HMGCLL1: variants seen among roughly 807,000 people sequenced by gnomAD.
HMGCLL1 encodes the protein 3-hydroxy-3-methylglutaryl-CoA lyase like 1, also known as 3-hydroxymethyl-3-methylglutaryl-CoA lyase, cytoplasmic.
In HMGCLL1, 36 loss-of-function variants were observed where a neutral mutation model predicts 39.1. The ratio of observed to expected loss-of-function variants is 0.92; its 90% confidence interval spans 0.71 to 1.22. HMGCLL1 has a LOEUF of 1.22. Among genes scored for constraint, HMGCLL1 ranks in the 50% most tolerant of loss-of-function variants. The pLI is 0.00. For missense variants in HMGCLL1, 451 were observed against 416.5 expected (o/e 1.08, Z -0.72); for synonymous variants, 149 against 144.0 (o/e 1.03, Z -0.25).
intron 7 of HMGCLL1, among the ~76,000 whole-genome samples, chr6:55,451,576 CA>C (rs752450250): frequency 8.0e-4 from 96 of 120,006 alleles, no homozygotes; most frequent in Non-Finnish European, 1.4e-3. Context: ...AAAACAAAAA[CA>C]AAAACAAAAA....
At chr6:55,598,424 T>G in the HMGCLL1 span, among the ~76,000 whole-genome samples, 1 of 152,168 alleles carries the variant, frequency 6.6e-6, no homozygotes, top group African/African-American at 2.4e-5. Context: ...ATTGCAATTC[T>G]AGACAACACA....
intron 1 of HMGCLL1, among the ~76,000 whole-genome samples, chr6:55,555,339 TCAA>T (rs76294675): frequency 2.0e-5 from 3 of 151,690 alleles, no homozygotes; most frequent in Admixed American, 6.6e-5. Flanking sequence ...TATCAAAAAG[TCAA>T]CAACAACAAC....
chr6:55,663,330 A>C, the HMGCLL1 span, among the ~76,000 whole-genome samples: 3 of 150,060 alleles, frequency 2.0e-5, no homozygotes. Flanking sequence ...TAGTGCTATA[A>C]ATTTCCCTCT....
upstream of HMGCLL1, among the ~76,000 whole-genome samples, chr6:55,583,091 AG>A (rs1237916629): frequency 6.6e-6 from 1 of 152,170 alleles, no homozygotes; most frequent in East Asian, 1.9e-4. Context: ...ATATTTTTAA[AG>A]TTTTGCTTTG....
the HMGCLL1 span, among the ~76,000 whole-genome samples, chr6:55,617,848 C>T: frequency 6.6e-6 from 1 of 151,962 alleles, no homozygotes; most frequent in African/African-American, 2.4e-5. Flanking sequence ...AGCAGGATGG[C>T]TCATAATTGT....
chr6:55,483,484 C>T (rs1158690335), intron 7 of HMGCLL1, among the ~76,000 whole-genome samples: 6 of 152,044 alleles, frequency 3.9e-5, no homozygotes, highest in African/African-American at 7.2e-5. Context: ...AGGATGGTCC[C>T]GATCTCTTGA....
intron 1 of HMGCLL1, among the ~76,000 whole-genome samples, chr6:55,549,373 AGTGTGTGT>A (rs70986732): frequency 1.4e-5 from 2 of 145,416 alleles, no homozygotes; most frequent in Admixed American, 6.9e-5. Flanking sequence ...CAAATACAGA[AGTGTGTGT>A]GTGTGTGTGT....
the HMGCLL1 span, among the ~76,000 whole-genome samples, chr6:55,673,269 T>C: frequency 6.6e-6 from 1 of 151,968 alleles, no homozygotes; most frequent in South Asian, 2.1e-4. Flanking sequence ...ACTTAGCCTA[T>C]TGGTATTGTC....
chr6:55,541,365 A>G (rs1410161264), intron 3 of HMGCLL1, among the ~76,000 whole-genome samples: 1 of 152,202 alleles, frequency 6.6e-6, no homozygotes, highest in Admixed American at 6.5e-5. Context: ...GGAAGCTATC[A>G]GGCTACTTAT....
the HMGCLL1 span, among the ~76,000 whole-genome samples, chr6:55,648,931 C>T: frequency 1.3e-5 from 2 of 149,346 alleles, no homozygotes; most frequent in African/African-American, 2.5e-5. Flanking sequence ...AATTTTAGAC[C>T]AATATCCTTG....
At chr6:55,524,444 A>T in intron 3 of HMGCLL1, among the ~76,000 whole-genome samples, 1 of 139,848 alleles carries the variant, frequency 7.2e-6, no homozygotes, top group African/African-American at 2.7e-5. Context: ...ATAATGTTGT[A>T]TTTGGCATTT....
intron 1 of HMGCLL1, among the ~76,000 whole-genome samples, chr6:55,547,718 G>C (rs1481784429): frequency 6.6e-6 from 1 of 151,978 alleles, no homozygotes; most frequent in Non-Finnish European, 1.5e-5. Context: ...GGGGGCATTA[G>C]AGATCAGCTT....
At chr6:55,673,454 A>G in the HMGCLL1 span, among the ~76,000 whole-genome samples, 2 of 152,028 alleles carry the variant, frequency 1.3e-5, no homozygotes, top group Non-Finnish European at 1.5e-5. Flanking sequence ...CATAAAGATA[A>G]CTGATGCAAC....
intron 1 of HMGCLL1, among the ~76,000 whole-genome samples, chr6:55,550,787 C>A (rs976685833): frequency 3.3e-5 from 5 of 151,570 alleles, no homozygotes; most frequent in African/African-American, 1.2e-4. Context: ...GGACACCCGG[C>A]AATGTCTGGA....
intron 3 of HMGCLL1, among the ~76,000 whole-genome samples, chr6:55,535,296 C>T (rs1261601296): frequency 6.6e-6 from 1 of 152,182 alleles, no homozygotes; most frequent in Non-Finnish European, 1.5e-5. Flanking sequence ...AAGGAAGCAA[C>T]ACTAGTGTGC....
chr6:55,523,721 G>A (rs1171286555), intron 3 of HMGCLL1, among the ~76,000 whole-genome samples: 1 of 151,826 alleles, frequency 6.6e-6, no homozygotes, highest in Non-Finnish European at 1.5e-5. Context: ...GAGCAAGAGT[G>A]CATATTCACC....
chr6:55,630,003 T>C, the HMGCLL1 span, among the ~76,000 whole-genome samples: 2 of 152,106 alleles, frequency 1.3e-5, no homozygotes, highest in South Asian at 2.1e-4. Flanking sequence ...AGTGTCCCTA[T>C]TGGGGCACCA....
chr6:55,579,860 A>G (rs915931597), upstream of HMGCLL1, among the ~76,000 whole-genome samples: 8 of 152,228 alleles, frequency 5.3e-5, no homozygotes, highest in African/African-American at 1.9e-4. Context: ...AGACATTTTT[A>G]GTGGAAGAGA....
rs1581776266 is a variant in HMGCLL1, at chr6:55,435,411, A to G, written c.*251T>C. The G allele has an allele frequency of 3.1e-6, 1 of 321,680 alleles. No homozygotes were observed. The highest frequency in any genetic ancestry group is 5.4e-5 in the East Asian group (1 of 18,650). 19.9% of individuals were successfully genotyped at this position (321,680 alleles called of 1,614,324 possible). A position where few individuals can be genotyped will look rare whatever the true frequency, so the allele number is the denominator to read the frequency against. Reference sequence around the variant, plus strand: ...TTAAAAAGTTATTTCTATGAGAGCAAAAGAAACTTTTTTCCAAGTTCAAAA... The same window carrying G: ...TTAAAAAGTTATTTCTATGAGAGCAGAAGAAACTTTTTTCCAAGTTCAAAA... On this transcript the variant is annotated 3_prime_UTR_variant, in exon 9 of 9. Coordinates refer to ENST00000274901, the MANE Select transcript of HMGCLL1 (RefSeq NM_001042406.2).
Sources: allele counts gnomAD v4.1 joint callset (sites outside exome capture counted in the v4.1 genomes callset), GRCh38; gene constraint gnomAD v4.1.1; transcripts MANE v1.5; gene names NCBI Gene and HGNC (gene_info 2026-07-23, HGNC 2026-07-21).